Variants in PRH1 observed in about 807,000 individuals in gnomAD.
PRH1 encodes the protein salivary acidic proline-rich phosphoprotein 1/2.
In PRH1, 7 loss-of-function variants were observed where a neutral mutation model predicts 7.9. That is an observed-to-expected ratio of 0.89 (90% confidence interval 0.50 to 1.67). PRH1 has a LOEUF of 1.67. Among genes scored for constraint, PRH1 ranks in the 40% most tolerant of loss-of-function variants. PRH1 has a pLI of 0.00. For synonymous variants in PRH1, 45 were observed against 80.8 expected (o/e 0.56, Z 2.38); for missense variants, 109 against 223.6 (o/e 0.49, Z 3.27).
chr12:10,937,277 T>C (rs1950304709), intron 2 of PRH1: 2 of 151,914 alleles, frequency 1.3e-5, no homozygotes, highest in South Asian at 4.2e-4. Context: ...TATATTGTAT[T>C]TTATTAAATC....
intron 1 of PRH1, among the ~76,000 whole-genome samples, chr12:11,157,637 C>T (rs1167330666): frequency 6.6e-6 from 1 of 152,194 alleles, no homozygotes. Context: ...TCAAGCAATG[C>T]ATTTTAAGTA....
chr12:11,049,891 T>A (rs1943073263), upstream of PRH1, among the ~76,000 whole-genome samples: 2 of 152,222 alleles, frequency 1.3e-5, no homozygotes, highest in African/African-American at 2.4e-5. Flanking sequence ...TCATTGTTAA[T>A]AAGCTCCTCA....
chr12:11,139,209 T>A (rs1035370805), intron 1 of PRH1, among the ~76,000 whole-genome samples: 1 of 152,310 alleles, frequency 6.6e-6, no homozygotes, highest in African/African-American at 2.4e-5. Flanking sequence ...AACATTTTTT[T>A]ATTGGGGAAT....
chr12:11,169,761 A>G (rs1240115419), intron 1 of PRH1, among the ~76,000 whole-genome samples: 1 of 152,206 alleles, frequency 6.6e-6, no homozygotes, highest in East Asian at 1.9e-4. Context: ...TTTATTTTAC[A>G]TCGCTCTTCA....
intron 2 of PRH1, among the ~76,000 whole-genome samples, chr12:10,942,953 C>T (rs1238036734): frequency 6.6e-6 from 1 of 152,164 alleles, no homozygotes; most frequent in African/African-American, 2.4e-5. Flanking sequence ...GTAATCTTTT[C>T]CCATAAAATA....
At chr12:10,914,676 C>A (rs936307144) in intron 2 of PRH1, among the ~76,000 whole-genome samples, 5 of 152,182 alleles carry the variant, frequency 3.3e-5, no homozygotes, top group Non-Finnish European at 5.9e-5. Flanking sequence ...AGAGTTTTAA[C>A]ACAAGTGACT....
At chr12:11,169,273 G>A (rs1295544864) in intron 1 of PRH1, among the ~76,000 whole-genome samples, 2 of 152,188 alleles carry the variant, frequency 1.3e-5, no homozygotes, top group South Asian at 4.1e-4. Context: ...GTGTGGATTA[G>A]GCATTCAAAT....
intron 1 of PRH1, 109 bp downstream of exon 1, chr12:10,884,045 A>G: frequency 7.7e-7 from 1 of 1,300,066 alleles, no homozygotes; most frequent in South Asian, 1.3e-5. Flanking sequence ...AGAACTCTGC[A>G]GTCCCATCTG....
At chr12:11,029,499 A>C (rs1283661073) in intron 1 of PRH1, among the ~76,000 whole-genome samples, 1 of 152,270 alleles carries the variant, frequency 6.6e-6, no homozygotes, top group Admixed American at 6.5e-5. Context: ...TCATAAATGG[A>C]AGGTAAGGAT....
At chr12:10,939,637 T>C (rs149227225) in intron 2 of PRH1, among the ~76,000 whole-genome samples, 1 of 151,358 alleles carries the variant, frequency 6.6e-6, no homozygotes, top group African/African-American at 2.4e-5. Context: ...AATTGGTATA[T>C]GAAACTTTGT....
At chr12:10,930,344 T>G in intron 2 of PRH1, 1 of 1,596,792 alleles carries the variant, frequency 6.3e-7, no homozygotes, top group East Asian at 2.2e-5. Flanking sequence ...TGTCTCCATT[T>G]TTCCCTGAAA....
chr12:10,941,775 T>A (rs1414395671), intron 2 of PRH1, among the ~76,000 whole-genome samples: 3 of 152,232 alleles, frequency 2.0e-5, no homozygotes, highest in African/African-American at 7.2e-5. Flanking sequence ...TAGTGTGATG[T>A]TTGGGGAGTG....
intron 1 of PRH1, among the ~76,000 whole-genome samples, chr12:11,140,434 T>C (rs1275978771): frequency 2.0e-5 from 3 of 152,156 alleles, no homozygotes; most frequent in African/African-American, 7.2e-5. Context: ...CTGGTCAAGA[T>C]TCCCTTTAAG....
chr12:11,170,222 C>G (rs906545216), intron 1 of PRH1, among the ~76,000 whole-genome samples: 2 of 152,216 alleles, frequency 1.3e-5, no homozygotes, highest in African/African-American at 4.8e-5. Flanking sequence ...ATTAGAGATT[C>G]ACTGTGCTGT....
intron 1 of PRH1, among the ~76,000 whole-genome samples, chr12:11,069,829 G>GAA: frequency 6.6e-6 from 1 of 152,182 alleles, no homozygotes. Flanking sequence ...CCAATTCCAA[G>GAA]AACAAGAATT....
At chr12:10,985,845 G>GA (rs1271350994) in intron 1 of PRH1, 5 of 1,190,136 alleles carry the variant, frequency 4.2e-6, no homozygotes, top group Non-Finnish European at 5.9e-6. Flanking sequence ...ATACACTACA[G>GA]AAAAAACAGT....
chr12:11,050,414 T>A (rs890625132), upstream of PRH1, among the ~76,000 whole-genome samples: 3 of 152,182 alleles, frequency 2.0e-5, no homozygotes, highest in East Asian at 3.9e-4. Context: ...TACCCTTAAG[T>A]GGTTTCCTGC....
intron 1 of PRH1, chr12:11,062,348 T>C: frequency 7.0e-7 from 1 of 1,437,346 alleles, no homozygotes; most frequent in Non-Finnish European, 9.3e-7. Context: ...TCACTGGTTG[T>C]GATTGCTTGA....
chr12:11,082,938 A>T (rs113189717), intron 1 of PRH1, among the ~76,000 whole-genome samples: 9 of 102,472 alleles, frequency 8.8e-5, no homozygotes, highest in Non-Finnish European at 1.4e-4. Context: ...AATCTGGGTG[A>T]TTTTATTATA....
Sources: gnomAD v4.1 joint callset for allele counts (sites outside exome capture counted in the v4.1 genomes callset) on GRCh38, gnomAD v4.1.1 for gene constraint, MANE v1.5 for transcripts, NCBI Gene and HGNC (gene_info 2026-07-23, HGNC 2026-07-21) for gene names.